Variants in SLC23A2 observed in about 807,000 individuals in gnomAD.
SLC23A2 encodes the protein solute carrier family 23 member 2, also known as Na(+)/L-ascorbic acid transporter 2.
SLC23A2 carries 36 observed loss-of-function variants against 73.3 expected under a neutral mutation model. The ratio of observed to expected loss-of-function variants is 0.49; its 90% CI spans 0.38 to 0.65. The LOEUF is 0.65. Ranked by LOEUF, SLC23A2 falls within the 30% of genes least tolerant of loss-of-function variation. SLC23A2 has a pLI of 0.00. For missense variants in SLC23A2, 507 were observed against 841.6 expected (o/e 0.60, Z 4.92); for synonymous variants, 343 against 327.3 (o/e 1.05, Z -0.52).
Position 4,870,114 on chromosome 20 carries a change from G to A in SLC23A2, c.1103-61C>T. ...AGGCAGGCGAAAGTGACCAGGACCAGTTACCCAAAGTCATTCTGAACGCTG... is the reference window on the plus strand; with the variant it reads ...AGGCAGGCGAAAGTGACCAGGACCAATTACCCAAAGTCATTCTGAACGCTG... On this transcript the variant is annotated intron_variant, in intron 11 of 16. Transcript: ENST00000338244. 3 of 1,387,076 alleles carry A rather than the reference G, an allele frequency of 2.2e-6. No individual in the cohort carries two copies. In the South Asian group the frequency reaches 4.1e-5, roughly 19 times the overall value. 85.9% of individuals were successfully genotyped at this position (1,387,076 alleles called of 1,614,324 possible).
intron 1 of SLC23A2, among the ~76,000 whole-genome samples, chr20:4,989,396 A>G (rs1360773361): frequency 6.6e-6 from 1 of 151,978 alleles, no homozygotes; most frequent in Admixed American, 6.6e-5. Context: ...GAATATTTGC[A>G]TATATATATA....
chr20:4,861,918 C>T (rs1166668182), intron 15 of SLC23A2, 30 bp downstream of exon 15: 1 of 1,610,464 alleles, frequency 6.2e-7, no homozygotes, highest in East Asian at 2.2e-5. Flanking sequence ...TTCCAGCTCC[C>T]ACTCCAAGAT....
At chr20:4,867,102 G>A (rs1930233286) in intron 13 of SLC23A2, among the ~76,000 whole-genome samples, 1 of 131,318 alleles carries the variant, frequency 7.6e-6, no homozygotes, top group African/African-American at 2.9e-5. Flanking sequence ...GCTGCTCCCT[G>A]CAGCACTCCC....
At chr20:4,973,745 A>C (rs1395045982) in intron 1 of SLC23A2, among the ~76,000 whole-genome samples, 1 of 152,200 alleles carries the variant, frequency 6.6e-6, no homozygotes, top group Non-Finnish European at 1.5e-5. Flanking sequence ...CTGAGATCAA[A>C]GCCTGGGCGC....
intron 5 of SLC23A2, among the ~76,000 whole-genome samples, chr20:4,900,108 C>T (rs1310636760): frequency 2.0e-5 from 3 of 152,016 alleles, no homozygotes; most frequent in East Asian, 1.9e-4. Flanking sequence ...TGGGCTCAAG[C>T]GATCCGCCTG....
At position 4,902,165 on chromosome 20, in the gene SLC23A2, G is replaced by A. The variant is rs1330328692; in HGVS notation, c.324+277C>T. ...ACTGTGGGCACACACCACCACACAT[G>A]GCTAATTTTTGTATTTTTTGTAGAG... On this transcript the variant is annotated intron_variant, in intron 5 of 16. Coordinates refer to ENST00000338244, the MANE Select transcript of SLC23A2 (RefSeq NM_005116.6). The surrounding 1 kb of genome is among the most constrained non-coding windows in gnomAD (Gnocchi z 4.0). 1.3e-5 allele frequency among the ~76,000 whole-genome samples: 2 copies of A among 152,180 alleles called. No individual in the cohort carries two copies. The highest frequency in any genetic ancestry group is 3.4e-3 in the Middle Eastern group (1 of 294).
At chr20:5,004,366 C>T (rs908529428), upstream of SLC23A2, among the ~76,000 whole-genome samples, 1 of 152,200 alleles carries the variant, frequency 6.6e-6, no homozygotes, top group Non-Finnish European at 1.5e-5. Flanking sequence ...CTGAAATTCT[C>T]TTCTCATCCA....
intron 15 of SLC23A2, among the ~76,000 whole-genome samples, chr20:4,860,327 C>T (rs375042588): frequency 2.0e-5 from 3 of 152,220 alleles, no homozygotes; most frequent in East Asian, 3.8e-4. Flanking sequence ...AATAAGCTGA[C>T]GCTCTGCCTT....
At chr20:4,916,696 TA>T (rs1600131057) in intron 3 of SLC23A2, among the ~76,000 whole-genome samples, 1 of 152,170 alleles carries the variant, frequency 6.6e-6, no homozygotes, top group East Asian at 1.9e-4. Flanking sequence ...TGGTTAAACT[TA>T]GGATTTTTTG....
chr20:4,883,839 G>A lies in SLC23A2; in HGVS notation c.643-16C>T, dbSNP rs1467395837. 1.1e-5 allele frequency: 17 copies of A among 1,590,258 alleles called. No individual in the cohort carries two copies. The highest frequency in any genetic ancestry group is 5.2e-5 in the Admixed American group (3 of 57,794). ...CCCCCTGGATCTGCAACAAGAGATG[G>A]CACAGACATGAGAGTGAGCTGCTTG... On this transcript the variant is annotated splice_polypyrimidine_tract_variant and intron_variant, in intron 8 of 16. Transcript: ENST00000338244. This position sits in a 1 kb window ranked among gnomAD's most constrained non-coding sequence, Gnocchi z 4.5.
chr20:4,918,857 C>A (rs1276949967), intron 3 of SLC23A2, among the ~76,000 whole-genome samples: 2 of 152,124 alleles, frequency 1.3e-5, no homozygotes, highest in African/African-American at 4.8e-5. Flanking sequence ...TAATAAAGTT[C>A]CCCAAATTTC....
chr20:4,858,207 G>A (rs1324315336), intron 16 of SLC23A2, among the ~76,000 whole-genome samples: 1 of 152,232 alleles, frequency 6.6e-6, no homozygotes, highest in Non-Finnish European at 1.5e-5. Flanking sequence ...GTGCTTCTGC[G>A]GGGATGAACA....
At chr20:4,990,077 A>T (rs1441661421) in intron 1 of SLC23A2, among the ~76,000 whole-genome samples, 4 of 152,216 alleles carry the variant, frequency 2.6e-5, no homozygotes, top group African/African-American at 9.6e-5. Flanking sequence ...TCTTCTTGTC[A>T]GTTGTGACAA....
intron 1 of SLC23A2, among the ~76,000 whole-genome samples, 164 bp from the exon 2 acceptor site, chr20:4,971,083 C>T (rs1452178795): frequency 1.3e-5 from 2 of 152,184 alleles, no homozygotes; most frequent in Non-Finnish European, 2.9e-5. Flanking sequence ...TGTCTCTAGG[C>T]AGGGTCACAA....
At chr20:4,956,085 A>G (rs1168471031) in intron 2 of SLC23A2, among the ~76,000 whole-genome samples, 2 of 152,252 alleles carry the variant, frequency 1.3e-5, no homozygotes, top group Admixed American at 1.3e-4. Flanking sequence ...ATACAAGAAA[A>G]AAACTTTTAA....
At chr20:4,984,325 C>T (rs563897610) in intron 1 of SLC23A2, among the ~76,000 whole-genome samples, 2 of 151,884 alleles carry the variant, frequency 1.3e-5, no homozygotes, top group Admixed American at 6.6e-5. Context: ...GAGGCCGAGG[C>T]GGGTGGATCA....
chr20:4,897,254 A>AC (rs1362346434), intron 6 of SLC23A2, among the ~76,000 whole-genome samples: 2 of 151,496 alleles, frequency 1.3e-5, no homozygotes, highest in Admixed American at 1.3e-4. Flanking sequence ...CAAGCCCAAC[A>AC]CCCCACCAAA....
intron 9 of SLC23A2, among the ~76,000 whole-genome samples, chr20:4,882,505 A>G (rs1305716869): frequency 1.3e-5 from 2 of 152,188 alleles, no homozygotes; most frequent in Non-Finnish European, 2.9e-5. Flanking sequence ...TAATTTGTAA[A>G]GTGTAGATAA....
chr20:4,856,876 A>G lies in SLC23A2; in HGVS notation c.*96T>C, dbSNP rs143357840. 3.6e-4 allele frequency: 282 copies of G among 783,996 alleles called. No homozygotes were observed. The highest frequency in any genetic ancestry group is 7.6e-4 in the Middle Eastern group (2 of 2,630). 48.6% of individuals were successfully genotyped at this position (783,996 alleles called of 1,614,324 possible). On this transcript the variant is annotated 3_prime_UTR_variant, in exon 17 of 17. Coordinates refer to ENST00000338244, the MANE Select transcript of SLC23A2 (RefSeq NM_005116.6). This position sits in a 1 kb window ranked among gnomAD's most constrained non-coding sequence, Gnocchi z 4.6. ...CTTAGCTCTGGGGCGCAGAATGTAAATGTAGATATACAAACATGTATTTTA... is the reference window on the plus strand; with the variant it reads ...CTTAGCTCTGGGGCGCAGAATGTAAGTGTAGATATACAAACATGTATTTTA...
Sources: allele counts gnomAD v4.1 joint callset (sites outside exome capture counted in the v4.1 genomes callset), GRCh38; gene constraint gnomAD v4.1.1; non-coding constraint Gnocchi (gnomAD v3.1); transcripts MANE v1.5; gene names NCBI Gene and HGNC (gene_info 2026-07-23, HGNC 2026-07-21).